Variants in SLC35F1 observed in about 807,000 individuals in gnomAD.
SLC35F1 encodes the protein solute carrier family 35 member F1.
SLC35F1 carries 14 observed loss-of-function variants against 48.7 expected under a neutral mutation model. The observed-to-expected ratio is 0.29, with a 90% CI of 0.19 to 0.45. SLC35F1 has a LOEUF of 0.45. SLC35F1 is among the 20% of genes least tolerant of loss of function. The probability of loss-of-function intolerance (pLI) is 1.00; values close to 1 mark genes in which losing one functional copy is unlikely to be tolerated. For missense variants in SLC35F1, 404 were observed against 500.0 expected (o/e 0.81, Z 1.83); for synonymous variants, 190 against 202.2 (o/e 0.94, Z 0.51).
chr6:118,174,173 T>C (rs1774452824), intron 2 of SLC35F1, among the ~76,000 whole-genome samples: 1 of 152,002 alleles, frequency 6.6e-6, no homozygotes, highest in Non-Finnish European at 1.5e-5. Context: ...CAAGTAAAAA[T>C]GACTAGACAT....
intron 1 of SLC35F1, among the ~76,000 whole-genome samples, chr6:118,107,979 A>G (rs564699700): frequency 1.3e-5 from 2 of 152,252 alleles, no homozygotes; most frequent in Non-Finnish European, 2.9e-5. Context: ...GCCCTAGCAC[A>G]AGAAAACTTC....
At chr6:118,116,502 T>C (rs72961850) in intron 1 of SLC35F1, among the ~76,000 whole-genome samples, 1 of 152,314 alleles carries the variant, frequency 6.6e-6, no homozygotes, top group Non-Finnish European at 1.5e-5. Context: ...TCTGTGGACA[T>C]TAAATGTGAA....
intron 3 of SLC35F1, among the ~76,000 whole-genome samples, chr6:118,243,456 G>A (rs1463478769): frequency 6.6e-6 from 1 of 152,166 alleles, no homozygotes; most frequent in Non-Finnish European, 1.5e-5. Context: ...TCTACAAAAA[G>A]AAATGCCTTA....
chr6:118,166,418 G>A (rs998238660), intron 2 of SLC35F1, among the ~76,000 whole-genome samples: 17 of 152,228 alleles, frequency 1.1e-4, no homozygotes, highest in Admixed American at 1.0e-3. Context: ...AGATTTCAAC[G>A]TTTGGCTTAG....
chr6:118,296,060 C>A (rs1776180770), intron 7 of SLC35F1, among the ~76,000 whole-genome samples: 1 of 152,150 alleles, frequency 6.6e-6, no homozygotes, highest in Non-Finnish European at 1.5e-5. Context: ...AGGTGCCTTC[C>A]ATTTTGTGGC....
rs563961146 is a variant in SLC35F1, at chr6:118,085,715, A to C, written c.174-68730A>C. On this transcript the variant is annotated intron_variant, in intron 1 of 7. Transcript: ENST00000360388. The stretch of plus-strand genomic sequence containing the variant: ...CGGATTTTACAGCTTGCCCTAGATA[A>C]ATTAATTATGATTATGTGAATGACC... Among the ~76,000 whole-genome samples the C allele has an allele frequency of 1.6e-4, 3 of 18,214 alleles. No individual in the cohort carries two copies. The Non-Finnish European group carries it at 2.1e-3, about 13-fold the overall frequency. The allele number at this position is 18,214 out of a possible 152,430, so 11.9% of individuals were successfully genotyped here. A position where few individuals can be genotyped will look rare whatever the true frequency, so the allele number is the denominator to read the frequency against.
intron 1 of SLC35F1, chr6:117,999,269 G>A (rs1016112384): frequency 5.6e-5 from 89 of 1,595,792 alleles, no homozygotes; most frequent in South Asian, 1.9e-4. Context: ...ACATGCCTAC[G>A]TTGCCCACCC....
chr6:118,063,387 G>A (rs1772569213), intron 1 of SLC35F1, among the ~76,000 whole-genome samples: 2 of 150,882 alleles, frequency 1.3e-5, no homozygotes, highest in Non-Finnish European at 3.0e-5. Flanking sequence ...ATTTCCTATG[G>A]TTAAGGCACC....
At chr6:118,120,200 C>G (rs1242119585) in intron 1 of SLC35F1, among the ~76,000 whole-genome samples, 2 of 152,070 alleles carry the variant, frequency 1.3e-5, no homozygotes, top group Non-Finnish European at 2.9e-5. Context: ...TGATAGATAA[C>G]AAGCAATGAT....
intron 2 of SLC35F1, among the ~76,000 whole-genome samples, chr6:118,162,423 A>T (rs79389385): frequency 8.5e-5 from 13 of 152,278 alleles, no homozygotes; most frequent in Non-Finnish European, 1.6e-4. Flanking sequence ...GGGAGGATGG[A>T]AATGTTCTGT....
chr6:118,135,385 T>C (rs1313575708), intron 1 of SLC35F1, among the ~76,000 whole-genome samples: 1 of 152,240 alleles, frequency 6.6e-6, no homozygotes, highest in Non-Finnish European at 1.5e-5. Context: ...TTGGATTCTA[T>C]ATTATGTTTC....
At chr6:118,241,965 A>G (rs1775446711) in intron 3 of SLC35F1, among the ~76,000 whole-genome samples, 1 of 152,128 alleles carries the variant, frequency 6.6e-6, no homozygotes, top group South Asian at 2.1e-4. Context: ...TTGTTTAACT[A>G]TTTACCTGTT....
chr6:118,264,713 A>G (rs1007850255), intron 3 of SLC35F1, among the ~76,000 whole-genome samples: 1 of 152,248 alleles, frequency 6.6e-6, no homozygotes, highest in Non-Finnish European at 1.5e-5. Context: ...CTAATTCTGT[A>G]GTGTGCAGCT....
intron 1 of SLC35F1, among the ~76,000 whole-genome samples, chr6:118,000,327 A>G (rs1297156665): frequency 4.1e-5 from 1 of 24,676 alleles, no homozygotes; most frequent in African/African-American, 1.6e-4. Flanking sequence ...TCCAGCATAT[A>G]AACAGAACCA....
intron 1 of SLC35F1, among the ~76,000 whole-genome samples, chr6:117,911,828 G>T (rs550709236): frequency 6.6e-6 from 1 of 152,206 alleles, no homozygotes; most frequent in South Asian, 2.1e-4. Context: ...TACTTCAAGG[G>T]CAACAGTTGA....
At chr6:118,092,412 A>T (rs780730279) in intron 1 of SLC35F1, among the ~76,000 whole-genome samples, 1 of 152,208 alleles carries the variant, frequency 6.6e-6, no homozygotes, top group Non-Finnish European at 1.5e-5. Flanking sequence ...TCCAGACAGA[A>T]GTTTGGTGCA....
chr6:117,984,635 C>G (rs1006909266), intron 1 of SLC35F1, among the ~76,000 whole-genome samples: 5 of 152,066 alleles, frequency 3.3e-5, no homozygotes, highest in African/African-American at 1.2e-4. Context: ...TGGTTTTGCG[C>G]TACAACAGCA....
chr6:117,949,446 T>C (rs891931128), intron 1 of SLC35F1, among the ~76,000 whole-genome samples: 2 of 152,174 alleles, frequency 1.3e-5, no homozygotes, highest in Non-Finnish European at 2.9e-5. Context: ...CACTTTATTA[T>C]TTTTTTCGAG....
At chr6:118,230,137 C>A (rs921286227) in intron 2 of SLC35F1, among the ~76,000 whole-genome samples, 4 of 152,042 alleles carry the variant, frequency 2.6e-5, no homozygotes, top group Non-Finnish European at 2.9e-5. Flanking sequence ...GTCAGGAGAT[C>A]AAGACTATCC....
Sources: gnomAD v4.1 joint callset for allele counts (sites outside exome capture counted in the v4.1 genomes callset) on GRCh38, gnomAD v4.1.1 for gene constraint, MANE v1.5 for transcripts, NCBI Gene and HGNC (gene_info 2026-07-23, HGNC 2026-07-21) for gene names.